Variants in FGGY observed in about 807,000 individuals in gnomAD.
The protein encoded by FGGY is FGGY carbohydrate kinase domain-containing protein.
FGGY carries 72 observed loss-of-function variants against 71.3 expected under a neutral mutation model. The observed-to-expected ratio is 1.01, with a 90% CI of 0.84 to 1.23. The LOEUF (loss-of-function observed/expected upper bound fraction) is 1.23, where lower values mean the gene tolerates loss of function less well. Ranked by LOEUF, FGGY falls within the 50% of genes most tolerant of loss-of-function variation. FGGY has a pLI of 0.00. For synonymous variants in FGGY, 251 were observed against 250.3 expected (o/e 1.00, Z -0.02); for missense variants, 668 against 682.3 (o/e 0.98, Z 0.23).
At position 59,358,842 on chromosome 1, in the gene FGGY, A is replaced by G. The variant is rs545288348; in HGVS notation, c.465+12444A>G. ...TTAAATATCCACTGTGTGCTTTCAA[A>G]TCTTCTATCCCATTTATTCTTATGA... is the stretch of plus-strand genomic sequence containing the variant. On this transcript the variant is annotated intron_variant, in intron 4 of 15. Transcript: ENST00000303721. Among the ~76,000 whole-genome samples, 3 of 152,348 alleles carry G rather than the reference A, an allele frequency of 2.0e-5. No individual in the cohort carries two copies. The South Asian group carries it at 6.2e-4, about 32-fold the overall frequency.
intron 7 of FGGY, among the ~76,000 whole-genome samples, chr1:59,537,552 C>G (rs1011414296): frequency 2.0e-5 from 3 of 152,100 alleles, no homozygotes; most frequent in African/African-American, 7.2e-5. Context: ...AATCCTAAAC[C>G]AAAAGAACAA....
At position 59,652,617 on chromosome 1, in the gene FGGY, C is replaced by T. The variant is rs1017655436; in HGVS notation, c.1222-7602C>T. 1.1e-3 allele frequency among the ~76,000 whole-genome samples: 154 copies of T among 142,040 alleles called. 1 individual carries two copies. Among genetic ancestry groups the T allele is most frequent in the Middle Eastern group, 3.4e-3 (1 of 290 alleles). The allele number at this position is 142,040 out of a possible 152,430, so 93.2% of individuals were successfully genotyped here. A position where few individuals can be genotyped will look rare whatever the true frequency, so the allele number is the denominator to read the frequency against. ...TTTCAGCTCCATCGGCTCCTTTAAG[C>T]ACTTCTCTGTATTGGTTATTCTAGT... On this transcript the variant is annotated intron_variant, in intron 11 of 15. Coordinates refer to ENST00000303721, the MANE Select transcript of FGGY (RefSeq NM_018291.5).
At chr1:59,705,189 T>A (rs2097747336) in intron 14 of FGGY, among the ~76,000 whole-genome samples, 1 of 152,208 alleles carries the variant, frequency 6.6e-6, no homozygotes, top group Non-Finnish European at 1.5e-5. Context: ...ACTGAAGACA[T>A]TCTTATAGTA....
At chr1:59,512,071 G>C (rs995015752) in intron 6 of FGGY, among the ~76,000 whole-genome samples, 1 of 152,090 alleles carries the variant, frequency 6.6e-6, no homozygotes, top group African/African-American at 2.4e-5. Flanking sequence ...TCTTTATCTG[G>C]TTTGAATGAT....
chr1:59,743,691 C>T (rs2098169436), intron 14 of FGGY, among the ~76,000 whole-genome samples: 1 of 151,922 alleles, frequency 6.6e-6, no homozygotes, highest in Non-Finnish European at 1.5e-5. Flanking sequence ...CTTGTAAAAG[C>T]CGGAGCAAGT....
chr1:59,718,157 G>C (rs1320490990), intron 14 of FGGY, among the ~76,000 whole-genome samples: 1 of 152,160 alleles, frequency 6.6e-6, no homozygotes, highest in Non-Finnish European at 1.5e-5. Flanking sequence ...TAAGGGATTT[G>C]ACTAAAGATC....
intron 8 of FGGY, among the ~76,000 whole-genome samples, chr1:59,606,785 A>G (rs906395130): frequency 2.0e-5 from 3 of 152,178 alleles, no homozygotes; most frequent in African/African-American, 7.2e-5. Context: ...GGCGGCCTCT[A>G]TCTTTGTATA....
intron 5 of FGGY, among the ~76,000 whole-genome samples, chr1:59,395,801 G>A (rs1335074154): frequency 6.6e-6 from 1 of 152,016 alleles, no homozygotes; most frequent in Non-Finnish European, 1.5e-5. Flanking sequence ...CACAATGATT[G>A]GCAGAGTTGG....
At chr1:59,759,203 G>A (rs1392722245) in intron 15 of FGGY, among the ~76,000 whole-genome samples, 6 of 152,186 alleles carry the variant, frequency 3.9e-5, no homozygotes, top group African/African-American at 1.2e-4. Context: ...AGCAGGATCA[G>A]TATTTAACAG....
chr1:59,595,380 A>G (rs1479352297), intron 8 of FGGY, among the ~76,000 whole-genome samples: 1 of 152,100 alleles, frequency 6.6e-6, no homozygotes, highest in East Asian at 1.9e-4. Context: ...TGAGCTAAAT[A>G]TGTTACAGAT....
chr1:59,439,988 G>C (rs369218562), intron 5 of FGGY, among the ~76,000 whole-genome samples: 2 of 151,576 alleles, frequency 1.3e-5, no homozygotes, highest in African/African-American at 4.8e-5. Context: ...CAAATGATAT[G>C]TGGTGGTATC....
chr1:59,677,970 T>C (rs2097453368), intron 14 of FGGY, among the ~76,000 whole-genome samples: 1 of 152,188 alleles, frequency 6.6e-6, no homozygotes, highest in Middle Eastern at 3.2e-3. Context: ...GACATAGCCA[T>C]TCGTTCATTC....
intron 7 of FGGY, among the ~76,000 whole-genome samples, chr1:59,533,358 G>A (rs182746239): frequency 7.9e-5 from 12 of 152,318 alleles, no homozygotes; most frequent in Admixed American, 6.5e-4. Flanking sequence ...CTACGCCCAC[G>A]GAGTCTCACT....
At chr1:59,652,750 G>A (rs1166886282) in intron 11 of FGGY, among the ~76,000 whole-genome samples, 6 of 151,728 alleles carry the variant, frequency 4.0e-5, no homozygotes, top group African/African-American at 1.4e-4. Context: ...TCTTCTCTCA[G>A]CTCGTCAAAG....
rs116032576 is a variant in FGGY, at chr1:59,445,980, C to G, written c.555-10981C>G. On this transcript the variant is annotated intron_variant, in intron 5 of 15. Coordinates refer to ENST00000303721, the MANE Select transcript of FGGY (RefSeq NM_018291.5). ...GACTTAACTTCTGAGCCTCAGTATTCTCTTCTGTGAAATGGAAATACTAAT... is the reference window on the plus strand; with the variant it reads ...GACTTAACTTCTGAGCCTCAGTATTGTCTTCTGTGAAATGGAAATACTAAT... 7.2e-3 allele frequency among the ~76,000 whole-genome samples: 1,092 copies of G among 152,274 alleles called. 16 individuals carry two copies. Among genetic ancestry groups the G allele is most frequent in the African/African-American group, 0.025 (1,043 of 41,540 alleles).
chr1:59,759,388 T>C (rs1465826782), intron 15 of FGGY, among the ~76,000 whole-genome samples: 1 of 152,214 alleles, frequency 6.6e-6, no homozygotes, highest in Non-Finnish European at 1.5e-5. Context: ...GAGTTCCCAC[T>C]GGCAGTAGGA....
chr1:59,653,334 G>A (rs1019277967), intron 11 of FGGY, among the ~76,000 whole-genome samples: 2 of 152,206 alleles, frequency 1.3e-5, no homozygotes, highest in African/African-American at 2.4e-5. Context: ...GGGCAATGGC[G>A]GGCGCCCCTC....
chr1:59,307,403 G>A (rs2043609401), intron 1 of FGGY, among the ~76,000 whole-genome samples: 2 of 151,838 alleles, frequency 1.3e-5, no homozygotes, highest in African/African-American at 4.8e-5. Flanking sequence ...AGAATTATGT[G>A]GCAGCTTTGA....
At chr1:59,344,374 T>G (rs1557615725) in intron 3 of FGGY, among the ~76,000 whole-genome samples, 1 of 152,084 alleles carries the variant, frequency 6.6e-6, no homozygotes, top group Non-Finnish European at 1.5e-5. Context: ...AGCAACATCT[T>G]CCTATTCGCC....
Sources: gnomAD v4.1 joint callset for allele counts (sites outside exome capture counted in the v4.1 genomes callset) on GRCh38, gnomAD v4.1.1 for gene constraint, MANE v1.5 for transcripts, NCBI Gene and HGNC (gene_info 2026-07-23, HGNC 2026-07-21) for gene names.